MCC: variants seen among roughly 807,000 people sequenced by gnomAD.
The protein encoded by MCC is MCC regulator of Wnt signaling pathway.
In MCC, 90 loss-of-function variants were observed where a neutral mutation model predicts 116.2. That is an observed-to-expected ratio of 0.77 (90% CI 0.65 to 0.92). The LOEUF (loss-of-function observed/expected upper bound fraction) is 0.92, where lower values mean the gene tolerates loss of function less well. Among genes scored for constraint, MCC ranks in the 40% least tolerant of loss-of-function variants. The pLI, the probability that MCC is intolerant of heterozygous loss-of-function variation, is 0.00. For synonymous variants in MCC, 578 were observed against 510.5 expected (o/e 1.13, Z -1.78); for missense variants, 1,516 against 1,312.2 (o/e 1.16, Z -2.40).
intron 11 of MCC, among the ~76,000 whole-genome samples, chr5:113,074,978 C>A (rs372911058): frequency 7.9e-5 from 12 of 152,346 alleles, no homozygotes; most frequent in East Asian, 5.8e-4. Context: ...CGCTTCAGCC[C>A]ACCACTGCAC....
At chr5:113,439,290 G>T (rs778092047) in intron 1 of MCC, among the ~76,000 whole-genome samples, 14 of 152,192 alleles carry the variant, frequency 9.2e-5, no homozygotes, top group Non-Finnish European at 1.9e-4. Context: ...GGTTGTGGAA[G>T]CATGCTGAGT....
chr5:113,390,792 T>G (rs890551218), intron 1 of MCC, among the ~76,000 whole-genome samples: 4 of 152,192 alleles, frequency 2.6e-5, no homozygotes, highest in Non-Finnish European at 4.4e-5. Flanking sequence ...GTAGGTTGCA[T>G]GCTTTTGTTC....
intron 1 of MCC, among the ~76,000 whole-genome samples, chr5:113,478,708 A>T (rs1194331483): frequency 2.0e-5 from 3 of 152,192 alleles, no homozygotes; most frequent in Admixed American, 6.5e-5. Context: ...AATGACTAAA[A>T]TTTGGAAGCT....
At chr5:113,067,637 AAAAC>A (rs915628220) in intron 13 of MCC, among the ~76,000 whole-genome samples, 3 of 152,248 alleles carry the variant, frequency 2.0e-5, no homozygotes, top group Non-Finnish European at 2.9e-5. Flanking sequence ...ACTCCATCTC[AAAAC>A]AAACAAACAA....
chr5:113,173,750 G>C (rs1761188070), intron 3 of MCC, among the ~76,000 whole-genome samples: 1 of 152,168 alleles, frequency 6.6e-6, no homozygotes, highest in African/African-American at 2.4e-5. Flanking sequence ...AGCTAGTACA[G>C]TGTACTAGAA....
chr5:113,071,413 G>C (rs1754033361), intron 11 of MCC, among the ~76,000 whole-genome samples, 179 bp from the exon 12 acceptor site: 1 of 152,180 alleles, frequency 6.6e-6, no homozygotes, highest in East Asian at 1.9e-4. Flanking sequence ...CAAACTCTGT[G>C]TGAATTACAA....
intron 3 of MCC, among the ~76,000 whole-genome samples, chr5:113,189,721 A>G (rs868281313): frequency 1.2e-4 from 19 of 152,244 alleles, no homozygotes; most frequent in African/African-American, 4.6e-4. Context: ...AGTCTAGTGG[A>G]ATCACTGTTT....
At chr5:113,354,724 G>A (rs1047277278) in intron 2 of MCC, among the ~76,000 whole-genome samples, 20 of 151,074 alleles carry the variant, frequency 1.3e-4, no homozygotes, top group Non-Finnish European at 2.1e-4. Context: ...ATGAGCCACC[G>A]TGCCCGGCCC....
intron 11 of MCC, among the ~76,000 whole-genome samples, chr5:113,078,507 G>T (rs1754616568): frequency 6.6e-6 from 1 of 152,178 alleles, no homozygotes; most frequent in African/African-American, 2.4e-5. Context: ...TTCAACATAT[G>T]CAAATCAATA....
chr5:113,254,023 G>A (rs1764909185), intron 3 of MCC, among the ~76,000 whole-genome samples: 1 of 152,172 alleles, frequency 6.6e-6, no homozygotes, highest in East Asian at 1.9e-4. Flanking sequence ...CAGATTGGAA[G>A]AGCCCACAGG....
intron 8 of MCC, among the ~76,000 whole-genome samples, chr5:113,093,067 G>A (rs1267108093): frequency 6.6e-6 from 1 of 152,152 alleles, no homozygotes; most frequent in African/African-American, 2.4e-5. Flanking sequence ...TCAGAGTGCT[G>A]AGGAGAAAAA....
rs568726470 is a variant in MCC, at chr5:113,060,686, C to T, written c.2213+3298G>A. 2.0e-5 allele frequency among the ~76,000 whole-genome samples: 3 copies of T among 152,270 alleles called. No homozygotes were observed. The East Asian group carries it at 5.8e-4, about 29-fold the overall frequency. ...AAGTTAGATCTCACTAGAAAAAAAA[C>T]CATAAAAAGCATTCCATGTCTATAC... On this transcript the variant is annotated intron_variant, in intron 14 of 18. Transcript: ENST00000408903.
At chr5:113,210,253 T>C (rs888807193) in intron 3 of MCC, among the ~76,000 whole-genome samples, 6 of 152,222 alleles carry the variant, frequency 3.9e-5, no homozygotes, top group African/African-American at 1.4e-4. Context: ...GGCCTCTAAA[T>C]ATACCTTCCC....
chr5:113,028,996 C>T lies in MCC; in HGVS notation c.2817G>A (p.Lys939=), dbSNP rs375601014. ...ELVSALERLT[K]SSEIRHQQSA... The stretch of plus-strand genomic sequence containing the variant: ...ATTGCTGATGTCGGATTTCACTGCT[C>T]TTGGTGAGTCTCTCCAAGGCACTCA... Residue 939 remains lysine, a synonymous_variant, in exon 18 of 19, where the codon AAG becomes AAA. Transcript: ENST00000408903. 2 of 1,613,870 alleles carry T rather than the reference C, an allele frequency of 1.2e-6. No individual in the cohort carries two copies. Among genetic ancestry groups the T allele is most frequent in the African/African-American group, 2.7e-5 (2 of 74,896 alleles).
intron 1 of MCC, among the ~76,000 whole-genome samples, chr5:113,405,569 TC>T (rs964520879): frequency 6.6e-6 from 1 of 152,006 alleles, no homozygotes; most frequent in Non-Finnish European, 1.5e-5. Flanking sequence ...CAGGAGGATT[TC>T]TTGATGCCAG....
intron 2 of MCC, among the ~76,000 whole-genome samples, chr5:113,380,266 G>A (rs984750705): frequency 2.0e-5 from 3 of 152,166 alleles, no homozygotes; most frequent in Non-Finnish European, 2.9e-5. Flanking sequence ...ACAGTCACAG[G>A]TAACCATTTC....
intron 16 of MCC, among the ~76,000 whole-genome samples, chr5:113,047,708 T>A (rs769779561): frequency 6.6e-6 from 1 of 152,080 alleles, no homozygotes; most frequent in Non-Finnish European, 1.5e-5. Context: ...CAGAAAAATA[T>A]GATGCACAGA....
intron 5 of MCC, among the ~76,000 whole-genome samples, chr5:113,123,329 G>A (rs963796581): frequency 9.2e-5 from 14 of 152,296 alleles, no homozygotes; most frequent in African/African-American, 3.1e-4. Flanking sequence ...GATCAAACTA[G>A]ACTTTTTTGA....
intron 3 of MCC, among the ~76,000 whole-genome samples, chr5:113,177,296 G>T (rs1761385932): frequency 6.6e-6 from 1 of 152,218 alleles, no homozygotes; most frequent in South Asian, 2.1e-4. Context: ...CTAGCACTGT[G>T]CCTGGCACAA....
Sources: gnomAD v4.1 joint callset for allele counts (sites outside exome capture counted in the v4.1 genomes callset) on GRCh38, gnomAD v4.1.1 for gene constraint, MANE v1.5 for transcripts, NCBI Gene and HGNC (gene_info 2026-07-23, HGNC 2026-07-21) for gene names.